The following DPP4 variants were observed in gnomAD, a reference collection of about 807,000 sequenced individuals.
DPP4 encodes the protein dipeptidyl peptidase 4, also known as ADCP-2.
A neutral mutation model predicts 122.4 loss-of-function variants in DPP4; 93 were observed. That is an observed-to-expected ratio of 0.76 (90% CI 0.64 to 0.90). DPP4 has a LOEUF of 0.90. DPP4 is among the 40% of genes least tolerant of loss of function. The pLI, the probability that DPP4 is intolerant of heterozygous loss-of-function variation, is 0.00. For missense variants in DPP4, 914 were observed against 907.3 expected, an observed-to-expected ratio of 1.01 and a Z score of -0.09; for synonymous variants, 321 against 302.9, an observed-to-expected ratio of 1.06 and a Z score of -0.62.
chr2:162,030,125 TA>T (rs1476150293), intron 10 of DPP4, among the ~76,000 whole-genome samples: 1 of 152,260 alleles, frequency 6.6e-6, no homozygotes, highest in Non-Finnish European at 1.5e-5. Context: ...CTGCTCTAGA[TA>T]AAAGTTAGGA....
Position 162,038,360 on chromosome 2 carries a change from GATTCTGTA to G in DPP4, c.547_554del (p.Tyr183HisfsTer11). The stretch of plus-strand genomic sequence containing the variant: ...TTATATCTTCTTTCCCCGTCCATGT[GATTCTGTA>G]ACTTGGTAAATTTGGTTCAATTTTA... On this transcript the variant is annotated frameshift_variant, in exon 8 of 26. Coordinates refer to ENST00000360534, the MANE Select transcript of DPP4 (RefSeq NM_001935.4). LOFTEE classifies it high-confidence loss of function. 6.2e-7 allele frequency: 1 copy of G among 1,608,052 alleles called. No individual in the cohort carries two copies. The highest frequency in any genetic ancestry group is 2.2e-5 in the East Asian group (1 of 44,612).
chr2:161,997,111 T>C (rs545817347), intron 23 of DPP4, among the ~76,000 whole-genome samples: 1 of 152,368 alleles, frequency 6.6e-6, no homozygotes, highest in East Asian at 1.9e-4. Flanking sequence ...CATCCTGGCC[T>C]AGTAGGCTTA....
At chr2:162,008,469 T>C in intron 22 of DPP4, 93 bp downstream of exon 22, 1 of 1,086,516 alleles carries the variant, frequency 9.2e-7, no homozygotes, top group South Asian at 1.3e-5. Context: ...TTATTCGCTG[T>C]AAAAACACTG....
intron 5 of DPP4, among the ~76,000 whole-genome samples, chr2:162,039,547 C>G (rs745739426): frequency 6.6e-6 from 1 of 151,960 alleles, no homozygotes; most frequent in Non-Finnish European, 1.5e-5. Flanking sequence ...AAGATTTAAA[C>G]GATATATGAT....
intron 21 of DPP4, 123 bp from the exon 22 acceptor site, chr2:162,008,784 G>A: frequency 1.2e-6 from 1 of 822,496 alleles, no homozygotes; most frequent in Non-Finnish European, 2.0e-6. Context: ...AAAAAGCATG[G>A]TATAGGAGGC....
intron 5 of DPP4, among the ~76,000 whole-genome samples, chr2:162,041,495 C>T (rs1303250628): frequency 6.6e-6 from 1 of 152,118 alleles, no homozygotes. Flanking sequence ...GAGTTCCTAA[C>T]CTTAACTATT....
In DPP4 at chr2:162,020,311, T is replaced by TG. The variant is rs1559711469; in HGVS notation, c.1177-16_1177-15insC. On this transcript the variant is annotated splice_polypyrimidine_tract_variant and intron_variant, in intron 13 of 25. Coordinates refer to ENST00000360534, the MANE Select transcript of DPP4 (RefSeq NM_001935.4). ...AATGTGCAGTCCTGATGGTTTTTTT[T>TG]TTTTTTCAAAAAAAAAAAAAAGATT... is the stretch of plus-strand genomic sequence containing the variant. 1.3e-6 allele frequency: 2 copies of TG among 1,536,888 alleles called. No homozygotes were observed. Among genetic ancestry groups the TG allele is most frequent in the African/African-American group, 3.1e-5 (2 of 63,546 alleles).
chr2:162,045,796 T>C (rs989926336), intron 4 of DPP4, among the ~76,000 whole-genome samples, 184 bp from the exon 5 acceptor site: 10 of 152,162 alleles, frequency 6.6e-5, no homozygotes, highest in African/African-American at 2.4e-4. Flanking sequence ...CGATCAATGT[T>C]AGAAAGCCAG....
At chr2:162,055,219 T>C (rs959515839) in intron 2 of DPP4, among the ~76,000 whole-genome samples, 3 of 152,228 alleles carry the variant, frequency 2.0e-5, no homozygotes, top group African/African-American at 4.8e-5. Context: ...TTCTCCCTTC[T>C]ATTAATACAT....
chr2:162,043,288 T>A (rs1001448399), intron 5 of DPP4, among the ~76,000 whole-genome samples: 1 of 152,180 alleles, frequency 6.6e-6, no homozygotes, highest in Non-Finnish European at 1.5e-5. Flanking sequence ...CCGGGCAGAC[T>A]GTGTTCAATC....
At chr2:161,996,433 T>C (rs1701006897) in intron 23 of DPP4, among the ~76,000 whole-genome samples, 1 of 152,208 alleles carries the variant, frequency 6.6e-6, no homozygotes, top group Admixed American at 6.5e-5. Context: ...TTCACAGATA[T>C]CTCTGTAGCT....
At chr2:162,035,737 G>A (rs1326233027) in intron 8 of DPP4, among the ~76,000 whole-genome samples, 10 of 152,066 alleles carry the variant, frequency 6.6e-5, no homozygotes, top group African/African-American at 1.2e-4. Context: ...TACTGAGCCC[G>A]CAGGGTACTG....
At chr2:162,052,364 G>A (rs1684414705) in intron 2 of DPP4, among the ~76,000 whole-genome samples, 1 of 151,606 alleles carries the variant, frequency 6.6e-6, no homozygotes, top group South Asian at 2.1e-4. Flanking sequence ...GGGCGCTGGA[G>A]GGAACTCGCT....
At chr2:162,036,350 G>T (rs1292739492) in intron 8 of DPP4, among the ~76,000 whole-genome samples, 2 of 152,082 alleles carry the variant, frequency 1.3e-5, no homozygotes, top group Non-Finnish European at 2.9e-5. Flanking sequence ...GTAATAAAAT[G>T]TAATAATAAT....
In DPP4 at chr2:162,046,985, T is replaced by C. The variant is rs753760291; in HGVS notation, c.215A>G (p.Gln72Arg). Residue 72 changes from glutamine to arginine, a missense_variant, in exon 4 of 26, where the codon CAA becomes CGA. By Grantham distance (43) the Gln-to-Arg change is conservative. Coordinates refer to ENST00000360534, the MANE Select transcript of DPP4 (RefSeq NM_001935.4). Reference sequence around the variant, plus strand: ...ATTGAATACCAAGATATTATTTTCTTGTTTGTAGAGATATTCATGATCTAA... The same window carrying C: ...ATTGAATACCAAGATATTATTTTCTCGTTTGTAGAGATATTCATGATCTAA... ...WISDHEYLYKQENNILVFNAE... is the reference protein window; with the variant it reads ...WISDHEYLYKRENNILVFNAE... The C allele has an allele frequency of 1.9e-6, 3 of 1,591,884 alleles. No homozygotes were observed. The African/African-American group carries it at 4.0e-5, about 21-fold the overall frequency.
chr2:161,995,366 T>C lies in DPP4; in HGVS notation c.2059A>G (p.Thr687Ala), dbSNP rs200726335. Residue 687 changes from threonine to alanine, a missense_variant, in exon 24 of 26, where the codon ACA (threonine) becomes GCA (alanine). Coordinates refer to ENST00000360534, the MANE Select transcript of DPP4 (RefSeq NM_001935.4). Reference protein sequence around the residue: ...EDNLDHYRNSTVMSRAENFKQ... With the variant: ...EDNLDHYRNSAVMSRAENFKQ... ...AAATTTTCAGCTCTGCTCATGACTG[T>C]TGAATTCTGGAATTGGGAGAAAGAA... The C allele has an allele frequency of 6.0e-5, 97 of 1,613,338 alleles. 1 individual carries two copies. The highest frequency in any genetic ancestry group is 7.5e-5 in the Non-Finnish European group (88 of 1,179,424).
intron 12 of DPP4, chr2:162,021,612 AG>A (rs1279140754): frequency 6.6e-6 from 1 of 152,176 alleles, no homozygotes; most frequent in Non-Finnish European, 1.5e-5. Flanking sequence ...GAGCAAGCTG[AG>A]GCGTGCGGTA....
Position 162,073,489 on chromosome 2 carries a change from G to C in DPP4, c.7-3C>G. 6.2e-7 allele frequency: 1 copy of C among 1,613,680 alleles called. No homozygotes were observed. Among genetic ancestry groups the C allele is most frequent in the East Asian group, 2.2e-5 (1 of 44,878 alleles). ...CCCAGAAGAACCTTCCACGGTGTCT[G>C]CAAGCCGAGCAGATCAAGTCCAATT... On this transcript the variant is annotated splice_polypyrimidine_tract_variant and splice_region_variant and intron_variant, in intron 1 of 25. Coordinates refer to ENST00000360534, the MANE Select transcript of DPP4 (RefSeq NM_001935.4).
intron 2 of DPP4, among the ~76,000 whole-genome samples, chr2:162,068,570 A>G (rs957116943): frequency 6.6e-6 from 1 of 152,208 alleles, no homozygotes; most frequent in Non-Finnish European, 1.5e-5. Flanking sequence ...ACACAGCAGA[A>G]GGAATGGTAT....
Sources: allele counts gnomAD v4.1 joint callset (sites outside exome capture counted in the v4.1 genomes callset), GRCh38; gene constraint gnomAD v4.1.1; transcripts MANE v1.5; gene names NCBI Gene and HGNC (gene_info 2026-07-23, HGNC 2026-07-21).